CCDC93: variants seen among roughly 807,000 people sequenced by gnomAD.
CCDC93 encodes the protein coiled-coil domain-containing protein 93.
In CCDC93, 61 loss-of-function variants were observed where a neutral mutation model predicts 108.2. The ratio of observed to expected loss-of-function variants is 0.56; its 90% CI spans 0.46 to 0.70. The LOEUF is 0.70. Ranked by LOEUF, CCDC93 falls within the 30% of genes least tolerant of loss-of-function variation. The probability of loss-of-function intolerance (pLI) is 0.00; values close to 1 mark genes in which losing one functional copy is unlikely to be tolerated. For synonymous variants in CCDC93, 276 were observed against 260.4 expected (o/e 1.06, Z -0.58); for missense variants, 685 against 764.2 (o/e 0.90, Z 1.22).
chr2:117,923,189 C>T (rs536455665), intron 23 of CCDC93, among the ~76,000 whole-genome samples: 1 of 152,106 alleles, frequency 6.6e-6, no homozygotes, highest in Non-Finnish European at 1.5e-5. Flanking sequence ...CCAGTGTAAG[C>T]GAGGCAGAAG....
intron 19 of CCDC93, among the ~76,000 whole-genome samples, chr2:117,940,238 G>A (rs1468983198): frequency 6.6e-6 from 1 of 152,182 alleles, no homozygotes; most frequent in Non-Finnish European, 1.5e-5. Context: ...AGGTATCATG[G>A]GGACATACAA....
Position 117,918,380 on chromosome 2 carries a change from T to A in CCDC93, c.*1963A>T, listed in dbSNP as rs1677755769. On this transcript the variant is annotated 3_prime_UTR_variant, in exon 24 of 24. Coordinates refer to ENST00000376300, the MANE Select transcript of CCDC93 (RefSeq NM_019044.5). ...ATACCAAAACCAAACCAAATGAAAC[T>A]CCTATGAAATACAGCTCAAAATAAA... The A allele has an allele frequency of 6.6e-6, 1 of 151,660 alleles. No individual in the cohort carries two copies. The highest frequency in any genetic ancestry group is 6.6e-5 in the Admixed American group (1 of 15,230). 9.4% of individuals were successfully genotyped at this position (151,660 alleles called of 1,614,324 possible).
intron 23 of CCDC93, among the ~76,000 whole-genome samples, chr2:117,928,974 G>A (rs915863985): frequency 3.3e-5 from 5 of 152,110 alleles, no homozygotes; most frequent in Non-Finnish European, 7.3e-5. Context: ...CATGGATGAA[G>A]CTGGAAACCA....
chr2:117,935,191 G>T (rs923283363), intron 22 of CCDC93, among the ~76,000 whole-genome samples: 13 of 152,118 alleles, frequency 8.5e-5, no homozygotes, highest in African/African-American at 3.1e-4. Context: ...TGTAAAATGG[G>T]TGTGATACTG....
chr2:117,991,067 TCAAA>T (rs1680462661), intron 6 of CCDC93, among the ~76,000 whole-genome samples: 3 of 152,230 alleles, frequency 2.0e-5, no homozygotes, highest in Admixed American at 2.0e-4. Context: ...TGCAAAAAAT[TCAAA>T]CAGTCTTCTA....
At chr2:117,991,575 T>A (rs1680475826) in intron 6 of CCDC93, among the ~76,000 whole-genome samples, 1 of 152,190 alleles carries the variant, frequency 6.6e-6, no homozygotes, top group Admixed American at 6.5e-5. Flanking sequence ...ATTTCCTGAC[T>A]TGTAAAATGG....
At chr2:117,925,890 T>C (rs1414092372) in intron 23 of CCDC93, among the ~76,000 whole-genome samples, 1 of 152,064 alleles carries the variant, frequency 6.6e-6, no homozygotes, top group Non-Finnish European at 1.5e-5. Flanking sequence ...TCAGCAAATG[T>C]AAAACAACAG....
Position 117,988,139 on chromosome 2 carries a change from ATTTAT to A in CCDC93, c.520-2075_520-2071del, listed in dbSNP as rs147846205. On this transcript the variant is annotated intron_variant, in intron 6 of 23. Coordinates refer to ENST00000376300, the MANE Select transcript of CCDC93 (RefSeq NM_019044.5). The stretch of plus-strand genomic sequence containing the variant: ...AGATATATATATATATGATATATGT[ATTTAT>A]TTTATTTTATTTTTTTGCAGATGCT... Among the ~76,000 whole-genome samples, 219 of 151,266 alleles carry A rather than the reference ATTTAT, an allele frequency of 1.4e-3. 1 individual carries two copies. Among genetic ancestry groups the A allele is most frequent in the African/African-American group, 4.4e-3 (181 of 41,132 alleles).
intron 12 of CCDC93, among the ~76,000 whole-genome samples, chr2:117,956,916 G>A (rs1372776086): frequency 2.0e-5 from 3 of 146,632 alleles, no homozygotes; most frequent in Admixed American, 6.8e-5. Flanking sequence ...TTGAGATGGA[G>A]TTTCGCTCTT....
chr2:117,965,744 C>T (rs755273418), intron 11 of CCDC93, among the ~76,000 whole-genome samples: 6 of 152,096 alleles, frequency 3.9e-5, no homozygotes, highest in African/African-American at 7.2e-5. Context: ...CTGACTCACG[C>T]GTAACGCAAT....
At chr2:117,938,684 A>C (rs1678601441) in intron 20 of CCDC93, among the ~76,000 whole-genome samples, 2 of 152,210 alleles carry the variant, frequency 1.3e-5, no homozygotes, top group South Asian at 2.1e-4. Context: ...CCTGTAAACT[A>C]TAACAAGCCC....
chr2:117,964,254 C>A (rs1231928075), intron 11 of CCDC93, among the ~76,000 whole-genome samples: 4 of 152,070 alleles, frequency 2.6e-5, no homozygotes, highest in African/African-American at 7.2e-5. Context: ...TACCTCTGGC[C>A]CTTCATAATC....
At chr2:117,927,679 A>C (rs1416621549) in intron 23 of CCDC93, among the ~76,000 whole-genome samples, 1 of 152,136 alleles carries the variant, frequency 6.6e-6, no homozygotes, top group African/African-American at 2.4e-5. Flanking sequence ...AAATGGCCAT[A>C]CTGCCCAAGG....
chr2:117,984,912 T>C (rs1680266041), intron 7 of CCDC93, among the ~76,000 whole-genome samples: 1 of 152,160 alleles, frequency 6.6e-6, no homozygotes, highest in African/African-American at 2.4e-5. Flanking sequence ...TGGCTGTTGT[T>C]GTTGTCTTTA....
At chr2:117,989,126 T>A (rs1423985842) in intron 6 of CCDC93, among the ~76,000 whole-genome samples, 1 of 152,242 alleles carries the variant, frequency 6.6e-6, no homozygotes, top group Admixed American at 6.5e-5. Flanking sequence ...ATAATCAGAC[T>A]TTTTGTCATT....
Position 117,993,682 on chromosome 2 carries a change from G to A in CCDC93, c.519+1764C>T, listed in dbSNP as rs74970803. Among the ~76,000 whole-genome samples, 100 of 152,282 alleles carry A rather than the reference G, an allele frequency of 6.6e-4. No homozygotes were observed. The East Asian group carries it at 0.017, about 26-fold the overall frequency. On this transcript the variant is annotated intron_variant, in intron 6 of 23. Transcript: ENST00000376300. ...AAGCAATTATCATATCCAACTAACT[G>A]GTTACTATTTGTCATGAGAAATGTA...
intron 12 of CCDC93, among the ~76,000 whole-genome samples, chr2:117,955,071 C>T (rs1679176781): frequency 1.3e-5 from 2 of 152,228 alleles, no homozygotes; most frequent in South Asian, 4.1e-4. Context: ...TGAGAATGGA[C>T]TAATATTTCC....
At chr2:117,972,665 G>A (rs888523088) in intron 11 of CCDC93, among the ~76,000 whole-genome samples, 3 of 151,796 alleles carry the variant, frequency 2.0e-5, no homozygotes, top group East Asian at 1.9e-4. Context: ...ACATAAGGGC[G>A]GGTATAAACT....
At chr2:117,940,896 G>C (rs1678680269) in intron 19 of CCDC93, among the ~76,000 whole-genome samples, 1 of 152,210 alleles carries the variant, frequency 6.6e-6, no homozygotes, top group African/African-American at 2.4e-5. Flanking sequence ...TGTGAAGTTG[G>C]AAAGTGGTGT....
Sources: gnomAD v4.1 joint callset for allele counts (sites outside exome capture counted in the v4.1 genomes callset) on GRCh38, gnomAD v4.1.1 for gene constraint, MANE v1.5 for transcripts, NCBI Gene and HGNC (gene_info 2026-07-23, HGNC 2026-07-21) for gene names.